The following STAB2 variants were observed in gnomAD, a reference collection of about 807,000 sequenced individuals.
The protein encoded by STAB2 is stabilin-2.
In STAB2, 288 loss-of-function variants were observed where a neutral mutation model predicts 338.1. The ratio of observed to expected loss-of-function variants is 0.85; its 90% CI spans 0.77 to 0.94. The LOEUF (loss-of-function observed/expected upper bound fraction) is 0.94. Ranked by LOEUF, STAB2 falls within the 40% of genes least tolerant of loss-of-function variation. The pLI, the probability that STAB2 is intolerant of heterozygous loss-of-function variation, is 0.00. For missense variants in STAB2, 3,141 were observed against 3,210.1 expected, an observed-to-expected ratio of 0.98 and a Z score of 0.52; for synonymous variants, 1,202 against 1,193.3, an observed-to-expected ratio of 1.01 and a Z score of -0.15.
intron 15 of STAB2, 63 bp downstream of exon 15, chr12:103,655,644 A>G (rs1459455060): frequency 6.3e-7 from 1 of 1,585,730 alleles, no homozygotes; most frequent in African/African-American, 1.4e-5. Context: ...CTGTGTCTAA[A>G]CAGGTTTTTC....
At chr12:103,639,722 A>AC (rs1957608902) in intron 8 of STAB2, among the ~76,000 whole-genome samples, 1 of 151,862 alleles carries the variant, frequency 6.6e-6, no homozygotes, top group East Asian at 1.9e-4. Flanking sequence ...AAAAAAAAAA[A>AC]AAAACACTTG....
In STAB2 at chr12:103,715,800, C is replaced by A; in HGVS notation, c.4538-15C>A. The A allele has an allele frequency of 6.2e-7, 1 of 1,613,966 alleles. No individual in the cohort carries two copies. On this transcript the variant is annotated splice_polypyrimidine_tract_variant and intron_variant, in intron 42 of 68. Coordinates refer to ENST00000388887, the MANE Select transcript of STAB2 (RefSeq NM_017564.10). The stretch of plus-strand genomic sequence containing the variant: ...ACTGGATTTCCAGGCCAGATGTTGG[C>A]TTTTTGTTTTAAAGAAATCAACCCG...
intron 57 of STAB2, 145 bp downstream of exon 57, chr12:103,745,422 A>G: frequency 2.9e-6 from 2 of 688,090 alleles, no homozygotes; most frequent in Non-Finnish European, 4.7e-6. Flanking sequence ...TCAGATCTGT[A>G]GCCCCGGGCC....
intron 39 of STAB2, among the ~76,000 whole-genome samples, chr12:103,709,790 C>T (rs1879684663): frequency 6.6e-6 from 1 of 152,114 alleles, no homozygotes; most frequent in Non-Finnish European, 1.5e-5. Context: ...CTTCTGAGAG[C>T]CTGGGAGAGG....
Position 103,620,591 on chromosome 12 carries a change from G to T in STAB2, c.417+38G>T, listed in dbSNP as rs1474332267. The T allele has an allele frequency of 2.0e-6, 3 of 1,519,970 alleles. No homozygotes were observed. The African/African-American group carries it at 4.2e-5, about 21-fold the overall frequency. 94.2% of individuals were successfully genotyped at this position (1,519,970 alleles called of 1,614,324 possible). A position where few individuals can be genotyped will look rare whatever the true frequency, so the allele number is the denominator to read the frequency against. ...ATGTGTTCTTCCTTTCCTGGTTTCT[G>T]CTCCCCATCTTCTTACCTGTTGATC... On this transcript the variant is annotated intron_variant, in intron 4 of 68. Coordinates refer to ENST00000388887, the MANE Select transcript of STAB2 (RefSeq NM_017564.10).
Position 103,737,620 on chromosome 12 carries a change from T to TA in STAB2, c.5551-14_5551-13insA. 6.5e-7 allele frequency: 1 copy of TA among 1,536,398 alleles called. No individual in the cohort carries two copies. The highest frequency in any genetic ancestry group is 8.7e-7 in the Non-Finnish European group (1 of 1,150,880). On this transcript the variant is annotated splice_polypyrimidine_tract_variant and intron_variant, in intron 52 of 68. Coordinates refer to ENST00000388887, the MANE Select transcript of STAB2 (RefSeq NM_017564.10). ...TCTCTCTTTCTCTTTTTTTTTTTTT[T>TA]TTTTCTTTCTTAGGGTGACCTCTTT...
chr12:103,640,100 T>C (rs772748750), intron 8 of STAB2, 23 bp from the exon 9 acceptor site: 1 of 1,586,222 alleles, frequency 6.3e-7, no homozygotes, highest in Non-Finnish European at 8.6e-7. Context: ...TCCTATTTGT[T>C]TTTCTCTTCC....
Position 103,674,088 on chromosome 12 carries a change from G to C in STAB2, c.2552+1G>C. Reference sequence around the variant, plus strand: ...GTGAATACAGCAATGGGACAGCCAGGTAGGTCTGTGAGGGAATGGCCCTTA... The same window carrying C: ...GTGAATACAGCAATGGGACAGCCAGCTAGGTCTGTGAGGGAATGGCCCTTA... On this transcript the variant is annotated splice_donor_variant, in intron 23 of 68. Transcript: ENST00000388887. LOFTEE classifies it high-confidence loss of function. 1.9e-6 allele frequency: 3 copies of C among 1,606,854 alleles called. No individual in the cohort carries two copies. The highest frequency in any genetic ancestry group is 2.6e-6 in the Non-Finnish European group (3 of 1,174,392).
intron 27 of STAB2, among the ~76,000 whole-genome samples, chr12:103,686,639 G>A (rs1422483507): frequency 6.6e-6 from 1 of 152,094 alleles, no homozygotes; most frequent in Non-Finnish European, 1.5e-5. Flanking sequence ...CCAAGTAGCT[G>A]GGACTACAAG....
intron 6 of STAB2, among the ~76,000 whole-genome samples, chr12:103,632,269 G>A (rs1437079516): frequency 1.3e-5 from 2 of 152,168 alleles, no homozygotes; most frequent in East Asian, 3.8e-4. Context: ...AGTTTAATAG[G>A]GATAATTAGT....
intron 10 of STAB2, among the ~76,000 whole-genome samples, chr12:103,649,888 T>C (rs1008646026): frequency 1.3e-5 from 2 of 152,086 alleles, no homozygotes; most frequent in Non-Finnish European, 2.9e-5. Context: ...CAGAGTCCTG[T>C]TGACCTTTCA....
chr12:103,588,399 G>A (rs766007589), intron 1 of STAB2, among the ~76,000 whole-genome samples: 1 of 152,150 alleles, frequency 6.6e-6, no homozygotes, highest in Non-Finnish European at 1.5e-5. Flanking sequence ...ATCGTCCACA[G>A]CTGTTTGACC....
intron 56 of STAB2, among the ~76,000 whole-genome samples, chr12:103,743,023 C>CTTTTTTTTTTTTTTTTTTTTTTTTTTTTT (rs34478982): frequency 1.5e-5 from 2 of 134,746 alleles, no homozygotes; most frequent in African/African-American, 2.8e-5. Flanking sequence ...ATTTTTTTTT[C>CTTTTTTTTTTTTTTTTTTTTTTTTTTTTT]TTTTTTTTTT....
chr12:103,684,352 C>A (rs546511309), intron 26 of STAB2, among the ~76,000 whole-genome samples: 2 of 152,262 alleles, frequency 1.3e-5, no homozygotes, highest in East Asian at 1.9e-4. Flanking sequence ...TGCCAGGGCC[C>A]ACCCCTAGTA....
At position 103,669,424 on chromosome 12, in the gene STAB2, C is replaced by T; in HGVS notation, c.2173-117C>T. 1.8e-5 allele frequency: 16 copies of T among 872,054 alleles called. 1 individual carries two copies. In the South Asian group the frequency reaches 2.3e-4, roughly 13 times the overall value. 54.0% of individuals were successfully genotyped at this position (872,054 alleles called of 1,614,324 possible). A position where few individuals can be genotyped will look rare whatever the true frequency, so the allele number is the denominator to read the frequency against. On this transcript the variant is annotated intron_variant, in intron 20 of 68. Transcript: ENST00000388887. ...CATCAACTGCCAAAGAAAAGGGCAA[C>T]CTCATAAGGAGAGGCGAATATGGCT...
At chr12:103,739,589 TG>T in intron 54 of STAB2, 121 bp downstream of exon 54, 1 of 715,734 alleles carries the variant, frequency 1.4e-6, no homozygotes, top group Non-Finnish European at 2.0e-6. Context: ...GCACGTATGT[TG>T]CATAAATGTA....
chr12:103,757,856 G>C (rs1593350152), intron 63 of STAB2: 1 of 370,270 alleles, frequency 2.7e-6, no homozygotes, highest in East Asian at 5.7e-5. Context: ...CTGTTCCTCT[G>C]AGTGAAGTGG....
Position 103,626,620 on chromosome 12 carries a change from G to A in STAB2, c.487+4509G>A, listed in dbSNP as rs551949955. Among the ~76,000 whole-genome samples the A allele has an allele frequency of 2.6e-4, 39 of 152,324 alleles. No individual in the cohort carries two copies. The South Asian group carries it at 8.1e-3, about 32-fold the overall frequency. On this transcript the variant is annotated intron_variant, in intron 5 of 68. Transcript: ENST00000388887. Reference sequence around the variant, plus strand: ...TGAATGGATGAATGAATGACTCAGCGATGCCTGGTCATTTCCCACTGACAA... The same window carrying A: ...TGAATGGATGAATGAATGACTCAGCAATGCCTGGTCATTTCCCACTGACAA...
At chr12:103,759,085 T>C (rs777477306) in intron 64 of STAB2, 48 bp from the exon 65 acceptor site, 3 of 1,613,774 alleles carry the variant, frequency 1.9e-6, no homozygotes, top group Non-Finnish European at 2.5e-6. Flanking sequence ...AAAGACAAAA[T>C]ATTGCTTGGC....
Sources: allele counts gnomAD v4.1 joint callset (sites outside exome capture counted in the v4.1 genomes callset), GRCh38; gene constraint gnomAD v4.1.1; transcripts MANE v1.5; gene names NCBI Gene and HGNC (gene_info 2026-07-23, HGNC 2026-07-21).